LRRC74A: variants seen among roughly 807,000 people sequenced by gnomAD.
LRRC74A encodes the protein leucine rich repeat containing 74A.
LRRC74A carries 44 observed loss-of-function variants against 57.9 expected under a neutral mutation model. That is an observed-to-expected ratio of 0.76 (90% CI 0.60 to 0.98). The LOEUF (loss-of-function observed/expected upper bound fraction) is 0.98, where lower values mean the gene tolerates loss of function less well. Among genes scored for constraint, LRRC74A ranks in the 50% least tolerant of loss-of-function variants. The pLI, the probability that LRRC74A is intolerant of heterozygous loss-of-function variation, is 0.00. For missense variants in LRRC74A, 572 were observed against 574.0 expected, an observed-to-expected ratio of 1.00 and a Z score of 0.04; for synonymous variants, 211 against 219.4, an observed-to-expected ratio of 0.96 and a Z score of 0.34.
In LRRC74A at chr14:76,844,844, G is replaced by C; in HGVS notation, c.619G>C (p.Asp207His). The change falls in exon 7 of 14, where the codon GAT becomes CAT. Residue 207 changes from aspartate to histidine, a missense_variant. Asp to His is a moderately conservative substitution (Grantham distance 81). Coordinates refer to ENST00000689127, the MANE Select transcript of LRRC74A (RefSeq NM_001385106.1). Reference protein sequence around the residue: ...LSTNYQIKKLDLSHNQFSDVG... With the variant: ...LSTNYQIKKLHLSHNQFSDVG... Reference sequence around the variant, plus strand: ...GACCAATTACCAAATTAAAAAGCTGGATCTCAGTCACAACCAATTCTCTGA... The same window carrying C: ...GACCAATTACCAAATTAAAAAGCTGCATCTCAGTCACAACCAATTCTCTGA... The C allele has an allele frequency of 6.3e-7, 1 of 1,590,274 alleles. No individual in the cohort carries two copies. Among genetic ancestry groups the C allele is most frequent in the Non-Finnish European group, 8.6e-7 (1 of 1,158,500 alleles).
chr14:76,846,841 A>G (rs973426584), intron 7 of LRRC74A, among the ~76,000 whole-genome samples: 5 of 152,084 alleles, frequency 3.3e-5, no homozygotes, highest in Admixed American at 6.5e-5. Flanking sequence ...TTGAACCTAC[A>G]TAGAGAAGTC....
At chr14:76,843,461 C>T (rs979971086) in intron 5 of LRRC74A, among the ~76,000 whole-genome samples, 2 of 151,978 alleles carry the variant, frequency 1.3e-5, no homozygotes, top group African/African-American at 4.8e-5. Flanking sequence ...CACAGGTGTC[C>T]CAGTCCTGCT....
chr14:76,867,450 C>T lies in LRRC74A; in HGVS notation c.1391+12C>T, dbSNP rs1361298804. 2.6e-6 allele frequency: 4 copies of T among 1,513,196 alleles called. No individual in the cohort carries two copies. The highest frequency in any genetic ancestry group is 2.3e-5 in the South Asian group (2 of 88,778). 93.7% of individuals were successfully genotyped at this position (1,513,196 alleles called of 1,614,324 possible). ...ATGGTGAACTTCAGGTCAGCCCAGG[C>T]CCCGCGACGATCCCCGTTCTCTGCA... On this transcript the variant is annotated intron_variant, in intron 13 of 13. Transcript: ENST00000689127.
chr14:76,838,197 T>G (rs1022573097), intron 5 of LRRC74A, among the ~76,000 whole-genome samples: 1 of 152,176 alleles, frequency 6.6e-6, no homozygotes, highest in African/African-American at 2.4e-5. Context: ...TAATTTATCA[T>G]GTACTTTACC....
chr14:76,855,197 C>T (rs939227803), intron 9 of LRRC74A, among the ~76,000 whole-genome samples: 14 of 152,304 alleles, frequency 9.2e-5, no homozygotes, highest in Admixed American at 9.1e-4. Flanking sequence ...TGACTACAGA[C>T]CAAACAGACT....
chr14:76,863,819 C>G (rs371811923), intron 11 of LRRC74A, among the ~76,000 whole-genome samples: 84 of 152,358 alleles, frequency 5.5e-4, no homozygotes, highest in African/African-American at 1.9e-3. Context: ...TCTCAAAGCA[C>G]CCCAACTGAG....
Position 76,837,953 on chromosome 14 carries a change from T to C in LRRC74A, c.526T>C (p.Trp176Arg), listed in dbSNP as rs1256660828. 8.3e-6 allele frequency: 13 copies of C among 1,575,748 alleles called. No homozygotes were observed. Among genetic ancestry groups the C allele is most frequent in the Non-Finnish European group, 1.0e-5 (12 of 1,158,518 alleles). The change falls in exon 5 of 14, where the codon TGG (tryptophan) becomes CGG (arginine). Residue 176 changes from tryptophan (W) to arginine (R), a missense_variant. Coordinates refer to ENST00000689127, the MANE Select transcript of LRRC74A (RefSeq NM_001385106.1). ...CTTTGAGAGAAACAGTTCTTCTATC[T>C]GGAGCCTTGAGCTTTCAGGTGAGCA... Reference protein sequence around the residue: ...DFFERNSSSIWSLELSGNDFK... With the variant: ...DFFERNSSSIRSLELSGNDFK...
chr14:76,836,404 G>A, intron 4 of LRRC74A, 90 bp downstream of exon 4: 1 of 931,244 alleles, frequency 1.1e-6, no homozygotes, highest in Admixed American at 2.4e-5. Flanking sequence ...CAGGACCCAG[G>A]CTGCCTCCAG....
At chr14:76,837,152 T>A (rs1332218187) in intron 4 of LRRC74A, among the ~76,000 whole-genome samples, 1 of 151,978 alleles carries the variant, frequency 6.6e-6, no homozygotes. Context: ...AAAAAAAAAT[T>A]GATAAATGTA....
In LRRC74A at chr14:76,826,501, C is replaced by G. The variant is rs1895580425; in HGVS notation, c.-197C>G. The stretch of plus-strand genomic sequence containing the variant: ...ACAGAGTTGGGGTCAAATTCATGCA[C>G]ATCCAATTCCCATCAAAGCCTACTC... On this transcript the variant is annotated 5_prime_UTR_variant, in exon 1 of 14. Coordinates refer to ENST00000689127, the MANE Select transcript of LRRC74A (RefSeq NM_001385106.1). 1.3e-6 allele frequency: 2 copies of G among 1,586,694 alleles called. No individual in the cohort carries two copies. The highest frequency in any genetic ancestry group is 2.3e-5 in the South Asian group (2 of 86,622).
At chr14:76,855,235 A>G (rs1055060085) in intron 9 of LRRC74A, among the ~76,000 whole-genome samples, 9 of 152,170 alleles carry the variant, frequency 5.9e-5, no homozygotes, top group African/African-American at 2.2e-4. Flanking sequence ...GAGATCTGGG[A>G]GTCCCAGCTG....
chr14:76,858,836 A>G (rs2242627), intron 10 of LRRC74A, among the ~76,000 whole-genome samples: 26,197 of 151,996 alleles, frequency 0.17, 2,735 homozygotes, highest in Middle Eastern at 0.27. Context: ...TGATCCACCC[A>G]CTTCAGCCTC....
intron 5 of LRRC74A, among the ~76,000 whole-genome samples, chr14:76,844,016 A>G (rs901314512): frequency 7.3e-6 from 1 of 137,438 alleles, no homozygotes; most frequent in African/African-American, 2.8e-5. Context: ...TTCTTTTTTT[A>G]AAAACAGGAT....
At chr14:76,869,948 G>A (rs550054330) in intron 13 of LRRC74A, among the ~76,000 whole-genome samples, 177 bp from the exon 14 acceptor site, 20 of 152,042 alleles carry the variant, frequency 1.3e-4, no homozygotes, top group African/African-American at 2.9e-4. Context: ...GTGTGCACAC[G>A]CACACACATG....
At chr14:76,857,358 T>A (rs909901724) in intron 9 of LRRC74A, 22 bp from the exon 10 acceptor site, 1 of 1,507,992 alleles carries the variant, frequency 6.6e-7, no homozygotes, top group Admixed American at 1.9e-5. Context: ...AGCCTCCTCT[T>A]GTCTTGATTC....
In LRRC74A at chr14:76,852,377, G is replaced by T; in HGVS notation, c.689G>T (p.Gly230Val). 6.2e-7 allele frequency: 1 copy of T among 1,611,224 alleles called. No individual in the cohort carries two copies. The highest frequency in any genetic ancestry group is 1.3e-5 in the African/African-American group (1 of 74,944). ...HLGQMLAINVGLTSLDLSWNN... is the reference protein window; with the variant it reads ...HLGQMLAINVVLTSLDLSWNN... Reference sequence around the variant, plus strand: ...CTCCCTGTTTCAGCCATCAACGTGGGGCTCACGTCACTGGATCTGAGCTGG... The same window carrying T: ...CTCCCTGTTTCAGCCATCAACGTGGTGCTCACGTCACTGGATCTGAGCTGG... Residue 230 changes from glycine (G) to valine (V), a missense_variant, in exon 8 of 14, where the codon GGG (glycine) becomes GTG (valine). Gly to Val is a moderately radical substitution (Grantham distance 109, BLOSUM62 -3). Coordinates refer to ENST00000689127, the MANE Select transcript of LRRC74A (RefSeq NM_001385106.1).
At chr14:76,852,474 G>C (rs1238717651) in intron 8 of LRRC74A, 24 bp downstream of exon 8, 1 of 1,548,544 alleles carries the variant, frequency 6.5e-7, no homozygotes, top group Admixed American at 1.8e-5. Flanking sequence ...CAGGAGTGAT[G>C]TGTGGAGCCC....
chr14:76,844,184 G>A (rs780176732), intron 5 of LRRC74A, among the ~76,000 whole-genome samples: 3 of 152,092 alleles, frequency 2.0e-5, no homozygotes, highest in Non-Finnish European at 4.4e-5. Context: ...AAAATTCTTT[G>A]TAGAGACAAG....
chr14:76,851,136 G>A (rs1004338028), intron 7 of LRRC74A, among the ~76,000 whole-genome samples: 14 of 152,198 alleles, frequency 9.2e-5, no homozygotes, highest in African/African-American at 3.4e-4. Context: ...TTCTCGCCAA[G>A]CCTGGTGCCT....
Sources: allele counts gnomAD v4.1 joint callset (sites outside exome capture counted in the v4.1 genomes callset), GRCh38; gene constraint gnomAD v4.1.1; transcripts MANE v1.5; gene names NCBI Gene and HGNC (gene_info 2026-07-23, HGNC 2026-07-21).